INTS3: variants seen among roughly 807,000 people sequenced by gnomAD.
INTS3 encodes integrator complex subunit 3, also known as SOSS complex subunit A.
Under a neutral mutation model 146.3 loss-of-function variants are expected in INTS3, and 34 were observed. The ratio of observed to expected loss-of-function variants is 0.23; its 90% confidence interval spans 0.18 to 0.31. The LOEUF (loss-of-function observed/expected upper bound fraction) is 0.31, where lower values mean the gene tolerates loss of function less well. Ranked by LOEUF, INTS3 falls within the 10% of genes least tolerant of loss-of-function variation. INTS3 has a pLI of 1.00. For missense variants in INTS3, 757 were observed against 1,304.2 expected (o/e 0.58, Z 6.46); for synonymous variants, 475 against 494.9 (o/e 0.96, Z 0.53).
chr1:153,770,891 A>G (rs1672824762), intron 25 of INTS3, among the ~76,000 whole-genome samples, 158 bp downstream of exon 25: 2 of 152,256 alleles, frequency 1.3e-5, no homozygotes, highest in East Asian at 1.9e-4. Context: ...ACAAATGAGC[A>G]GCTCCCCTGG....
chr1:153,730,049 A>G (rs956504713), intron 1 of INTS3, among the ~76,000 whole-genome samples: 1 of 152,160 alleles, frequency 6.6e-6, no homozygotes, highest in African/African-American at 2.4e-5. Context: ...GGGCAGGCAG[A>G]CAGGTGAAAT....
chr1:153,751,142 C>T lies in INTS3; in HGVS notation c.632C>T (p.Thr211Met), dbSNP rs753722156. 14 of 1,614,042 alleles carry T rather than the reference C, an allele frequency of 8.7e-6. No homozygotes were observed. The highest frequency in any genetic ancestry group is 1.7e-5 in the Admixed American group (1 of 59,998). Residue 211 changes from threonine (T) to methionine (M), a missense_variant, in exon 7 of 30, where the codon ACG (threonine) becomes ATG (methionine). Physicochemically the swap from Thr to Met is moderately conservative, Grantham distance 81 (BLOSUM62 -1). This residue lies in a region of INTS3 where 134 missense variants were observed against 243.1 expected (regional missense o/e 0.55). Coordinates refer to ENST00000318967, the MANE Select transcript of INTS3 (RefSeq NM_023015.5). ...SSILIAMAVY[T>M]YLRLIVDHHG... ...ATCCTCATTGCCATGGCTGTTTACA[C>T]GTACCTCCGCCTCATCGTGGACCAC...
Position 153,772,049 on chromosome 1 carries a change from G to T in INTS3, c.2720+86G>T, listed in dbSNP as rs1196780887. On this transcript the variant is annotated intron_variant, in intron 26 of 29. Transcript: ENST00000318967. The surrounding 1 kb of genome is among the most constrained non-coding windows in gnomAD (Gnocchi z 4.6). Reference sequence around the variant, plus strand: ...GGTGGTGGTGGTGGTGGTGGTGGTGGTGATGGGGGTCAGTGCTGTCCCAGC... The same window carrying T: ...GGTGGTGGTGGTGGTGGTGGTGGTGTTGATGGGGGTCAGTGCTGTCCCAGC... 2.3e-6 allele frequency: 3 copies of T among 1,284,202 alleles called. No homozygotes were observed. The highest frequency in any genetic ancestry group is 3.2e-6 in the Non-Finnish European group (3 of 932,840). The allele number at this position is 1,284,202 out of a possible 1,614,324, so 79.6% of individuals were successfully genotyped here. A position where few individuals can be genotyped will look rare whatever the true frequency, so the allele number is the denominator to read the frequency against.
At chr1:153,771,206 G>A (rs960158191) in intron 25 of INTS3, among the ~76,000 whole-genome samples, 1 of 152,182 alleles carries the variant, frequency 6.6e-6, no homozygotes, top group Non-Finnish European at 1.5e-5. Context: ...GAGGGTGGCA[G>A]CCCCCTCTTC....
intron 10 of INTS3, among the ~76,000 whole-genome samples, chr1:153,759,275 A>G (rs1570868995): frequency 3.0e-5 from 1 of 32,922 alleles, no homozygotes; most frequent in Non-Finnish European, 6.6e-5. Context: ...CCCTGTCTGG[A>G]AAAAAAAAAA....
At position 153,773,300 on chromosome 1, in the gene INTS3, T is replaced by C; in HGVS notation, c.*30T>C. ...CTGCATTCCCCATCCCACCCCCGGC[T>C]GGACTGCCCTCTCCTTCTTGGTGAT... On this transcript the variant is annotated 3_prime_UTR_variant, in exon 30 of 30. Transcript: ENST00000318967. 6.3e-7 allele frequency: 1 copy of C among 1,585,016 alleles called. No homozygotes were observed. Among genetic ancestry groups the C allele is most frequent in the Non-Finnish European group, 8.7e-7 (1 of 1,153,518 alleles).
At chr1:153,749,887 C>T (rs1160508303) in intron 6 of INTS3, among the ~76,000 whole-genome samples, 2 of 152,164 alleles carry the variant, frequency 1.3e-5, no homozygotes, top group Non-Finnish European at 2.9e-5. Context: ...GCTGAATTTC[C>T]TGTACAGGCA....
intron 1 of INTS3, among the ~76,000 whole-genome samples, chr1:153,731,866 T>G (rs920358844): frequency 5.0e-4 from 75 of 149,534 alleles, no homozygotes; most frequent in African/African-American, 1.8e-3. Context: ...ATTACAGACT[T>G]GAGCCACCGC....
chr1:153,759,757 T>C, intron 11 of INTS3, 144 bp downstream of exon 11: 1 of 641,800 alleles, frequency 1.6e-6, no homozygotes, highest in Non-Finnish European at 2.8e-6. Context: ...CTCATCAGTT[T>C]TCCCTTGACC....
At chr1:153,751,958 G>A (rs991962701) in intron 7 of INTS3, 129 of 328,188 alleles carry the variant, frequency 3.9e-4, no homozygotes, top group African/African-American at 2.8e-3. Context: ...CAACTTGCCA[G>A]TCCCATCCTT....
At chr1:153,761,525 A>C in intron 13 of INTS3, 45 bp from the exon 14 acceptor site, 1 of 1,383,776 alleles carries the variant, frequency 7.2e-7, no homozygotes, top group Middle Eastern at 1.8e-4. Flanking sequence ...AAAAATAAAA[A>C]TAAGAGAAGC....
intron 1 of INTS3, among the ~76,000 whole-genome samples, chr1:153,736,554 C>G (rs1671300237): frequency 6.6e-6 from 1 of 150,706 alleles, no homozygotes; most frequent in Non-Finnish European, 1.5e-5. Context: ...TCAAGCAATT[C>G]TCCTGCCTCA....
At chr1:153,763,402 C>T (rs1463718370) in intron 16 of INTS3, 40 bp downstream of exon 16, 1 of 1,609,980 alleles carries the variant, frequency 6.2e-7, no homozygotes, top group Non-Finnish European at 8.5e-7. Flanking sequence ...GAGGTTCAGC[C>T]CCAGGCTCTC....
chr1:153,728,581 T>C lies in INTS3; in HGVS notation c.-54T>C. On this transcript the variant is annotated 5_prime_UTR_variant, in exon 1 of 30. Transcript: ENST00000318967. ...CTGGCAATCCAGAGATCCCGATATC[T>C]AGGACTGTCCATCCATCCACTCCCT... 1.9e-6 allele frequency: 3 copies of C among 1,555,282 alleles called. No individual in the cohort carries two copies. The highest frequency in any genetic ancestry group is 2.6e-6 in the Non-Finnish European group (3 of 1,156,224).
intron 6 of INTS3, among the ~76,000 whole-genome samples, chr1:153,749,691 CT>C (rs1386640672): frequency 6.6e-6 from 1 of 152,238 alleles, no homozygotes; most frequent in Non-Finnish European, 1.5e-5. Flanking sequence ...ACAGTCTCTT[CT>C]TACCAGATAG....
chr1:153,740,160 C>T (rs1311218020), intron 1 of INTS3, among the ~76,000 whole-genome samples: 1 of 151,884 alleles, frequency 6.6e-6, no homozygotes, highest in Non-Finnish European at 1.5e-5. Flanking sequence ...AGTGCAATGG[C>T]GCGATCTCTG....
chr1:153,757,649 G>A lies in INTS3; in HGVS notation c.1035G>A (p.Leu345=), dbSNP rs1346474411. 1 of 1,614,212 alleles carries A rather than the reference G, an allele frequency of 6.2e-7. No homozygotes were observed. The highest frequency in any genetic ancestry group is 2.2e-5 in the East Asian group (1 of 44,886). The change falls in exon 10 of 30, where the codon CTG becomes CTA. Residue 345 remains leucine (L), a synonymous_variant. Transcript: ENST00000318967. This position sits in a 1 kb window ranked among gnomAD's most constrained non-coding sequence, Gnocchi z 4.0. ...QYLSTPDSQS[L]RCDLIRYICG... ...TGTCAACTCCAGATAGTCAGTCTCT[G>A]CGCTGTGACCTCATTCGCTACATCT...
At chr1:153,755,958 T>G (rs1055903247) in intron 9 of INTS3, among the ~76,000 whole-genome samples, 4 of 152,118 alleles carry the variant, frequency 2.6e-5, no homozygotes, top group Admixed American at 2.0e-4. Flanking sequence ...GAGAATCACT[T>G]GAACCCAGGA....
Position 153,751,173 on chromosome 1 carries a change from G to A in INTS3, c.663G>A (p.Gly221=), listed in dbSNP as rs1671945158. The change falls in exon 7 of 30, where the codon GGG becomes GGA. Residue 221 remains glycine, a synonymous_variant. Transcript: ENST00000318967. ...TCCGCCTCATCGTGGACCACCATGG[G>A]ACTGCCCAGCTCCAGGCCCTGCGAC... ...TYLRLIVDHH[G]TAQLQALRQK... is the part of the protein sequence containing the mutation. 1.2e-6 allele frequency: 2 copies of A among 1,614,168 alleles called. No homozygotes were observed. Among genetic ancestry groups the A allele is most frequent in the South Asian group, 1.1e-5 (1 of 91,084 alleles).
Sources: gnomAD v4.1 joint callset for allele counts (sites outside exome capture counted in the v4.1 genomes callset) on GRCh38, gnomAD v4.1.1 for gene constraint, gnomAD v4.1.1 regional missense constraint, Gnocchi (gnomAD v3.1) non-coding constraint, MANE v1.5 for transcripts, NCBI Gene and HGNC (gene_info 2026-07-23, HGNC 2026-07-21) for gene names.